CTNNA3: variants seen among roughly 807,000 people sequenced by gnomAD.
The protein encoded by CTNNA3 is catenin alpha 3.
CTNNA3 carries 76 observed loss-of-function variants against 95.7 expected under a neutral mutation model. That is an observed-to-expected ratio of 0.79 (90% CI 0.66 to 0.96). The LOEUF (loss-of-function observed/expected upper bound fraction) is 0.96. CTNNA3 is among the 40% of genes least tolerant of loss of function. The pLI, the probability that CTNNA3 is intolerant of heterozygous loss-of-function variation, is 0.00. For missense variants in CTNNA3, 1,191 were observed against 1,089.8 expected (o/e 1.09, Z -1.31); for synonymous variants, 431 against 374.4 (o/e 1.15, Z -1.74).
intron 10 of CTNNA3, among the ~76,000 whole-genome samples, chr10:66,566,002 T>C (rs760505241): frequency 1.3e-5 from 2 of 152,106 alleles, no homozygotes; most frequent in Non-Finnish European, 2.9e-5. Flanking sequence ...GACGAGTAGG[T>C]TGAAACCAGA....
chr10:66,018,181 C>A (rs1489100694), intron 15 of CTNNA3, among the ~76,000 whole-genome samples: 2 of 136,390 alleles, frequency 1.5e-5, no homozygotes, highest in Non-Finnish European at 3.1e-5. Context: ...GAGGATACAG[C>A]TCAAATACAC....
intron 5 of CTNNA3, among the ~76,000 whole-genome samples, chr10:67,430,052 C>T (rs1830897857): frequency 6.6e-6 from 1 of 151,950 alleles, no homozygotes; most frequent in Admixed American, 6.6e-5. Flanking sequence ...GAGTATATTA[C>T]TTTCTCTTGG....
intron 3 of CTNNA3, among the ~76,000 whole-genome samples, chr10:67,558,302 A>C (rs1024503012): frequency 4.6e-5 from 7 of 152,200 alleles, no homozygotes; most frequent in African/African-American, 7.2e-5. Context: ...CCTTATTAAA[A>C]CTATTATACT....
At chr10:66,014,222 A>G (rs1285944298) in intron 15 of CTNNA3, among the ~76,000 whole-genome samples, 1 of 152,100 alleles carries the variant, frequency 6.6e-6, no homozygotes, top group African/African-American at 2.4e-5. Context: ...TTTTGGGTGC[A>G]TTTAAGCTCA....
chr10:66,493,827 G>A (rs545499020), intron 11 of CTNNA3, among the ~76,000 whole-genome samples: 2 of 149,264 alleles, frequency 1.3e-5, no homozygotes, highest in South Asian at 2.1e-4. Context: ...GGATGGTCTC[G>A]ATTTCCTGAC....
chr10:66,813,717 T>TGA (rs1841969655), intron 7 of CTNNA3, among the ~76,000 whole-genome samples: 1 of 152,128 alleles, frequency 6.6e-6, no homozygotes, highest in South Asian at 2.1e-4. Context: ...CATAGTCTGA[T>TGA]GAGAGAGAGT....
chr10:67,162,418 AT>A (rs1476664150), intron 7 of CTNNA3, among the ~76,000 whole-genome samples: 2 of 150,024 alleles, frequency 1.3e-5, no homozygotes, highest in Admixed American at 6.6e-5. Flanking sequence ...GTAAAAAAAA[AT>A]TAGTCACAAA....
intron 10 of CTNNA3, among the ~76,000 whole-genome samples, chr10:66,614,804 CA>C (rs1378550516): frequency 6.6e-6 from 1 of 151,956 alleles, no homozygotes. Context: ...TTTAGAACCA[CA>C]TATTTTAGAA....
At chr10:67,254,454 G>A (rs1468902812) in intron 5 of CTNNA3, among the ~76,000 whole-genome samples, 2 of 152,082 alleles carry the variant, frequency 1.3e-5, no homozygotes, top group Non-Finnish European at 2.9e-5. Flanking sequence ...AACACAGAAG[G>A]ATCATAACTC....
chr10:67,557,733 C>T (rs988647403), intron 3 of CTNNA3, among the ~76,000 whole-genome samples: 1 of 152,110 alleles, frequency 6.6e-6, no homozygotes, highest in African/African-American at 2.4e-5. Flanking sequence ...AGAATTTCTG[C>T]AAGGCCCAGA....
chr10:66,650,812 A>C (rs1012550391), intron 9 of CTNNA3, among the ~76,000 whole-genome samples: 19 of 152,246 alleles, frequency 1.2e-4, no homozygotes, highest in Middle Eastern at 3.4e-3. Flanking sequence ...TTCAGGAGTG[A>C]AGCTGCAGAC....
intron 12 of CTNNA3, among the ~76,000 whole-genome samples, chr10:66,296,499 T>C (rs1424466513): frequency 1.3e-5 from 2 of 151,932 alleles, no homozygotes; most frequent in Non-Finnish European, 2.9e-5. Context: ...AAGTGTGTTT[T>C]AAAAATAGCC....
At chr10:67,630,796 T>C (rs1178651192) in intron 2 of CTNNA3, among the ~76,000 whole-genome samples, 1 of 152,194 alleles carries the variant, frequency 6.6e-6, no homozygotes, top group African/African-American at 2.4e-5. Context: ...ATTTGACCTT[T>C]GCCCTTCAAA....
intron 2 of CTNNA3, among the ~76,000 whole-genome samples, chr10:67,607,943 A>G (rs1331426419): frequency 1.3e-5 from 2 of 152,258 alleles, no homozygotes; most frequent in African/African-American, 4.8e-5. Context: ...CATTCTTAAT[A>G]TCGGCAGCAT....
chr10:66,861,244 CT>C (rs755765809), intron 7 of CTNNA3, among the ~76,000 whole-genome samples: 2 of 152,136 alleles, frequency 1.3e-5, no homozygotes, highest in Non-Finnish European at 2.9e-5. Flanking sequence ...TAATATTGTT[CT>C]TGGTCAACAT....
chr10:66,941,149 T>C (rs1847974912), intron 7 of CTNNA3, among the ~76,000 whole-genome samples: 1 of 152,184 alleles, frequency 6.6e-6, no homozygotes, highest in Admixed American at 6.5e-5. Context: ...AGAGACAATA[T>C]TTCCTCAGCT....
At chr10:66,462,191 C>G (rs1200168309) in intron 11 of CTNNA3, among the ~76,000 whole-genome samples, 1 of 151,798 alleles carries the variant, frequency 6.6e-6, no homozygotes, top group African/African-American at 2.4e-5. Context: ...CCTTTTTATC[C>G]CTCAGAAAAT....
chr10:66,807,866 T>C (rs1260006515), intron 7 of CTNNA3, among the ~76,000 whole-genome samples: 1 of 152,142 alleles, frequency 6.6e-6, no homozygotes, highest in Non-Finnish European at 1.5e-5. Flanking sequence ...TATAACTTCT[T>C]TAATCCACTT....
chr10:66,024,826 TA>T (rs2079303759), intron 15 of CTNNA3, among the ~76,000 whole-genome samples: 3 of 152,166 alleles, frequency 2.0e-5, no homozygotes, highest in Non-Finnish European at 4.4e-5. Context: ...TCAAGAGACT[TA>T]AGAATCAGTG....
Sources: allele counts gnomAD v4.1 joint callset (sites outside exome capture counted in the v4.1 genomes callset), GRCh38; gene constraint gnomAD v4.1.1; transcripts MANE v1.5; gene names NCBI Gene and HGNC (gene_info 2026-07-23, HGNC 2026-07-21).